Variants in ATP10B observed in about 807,000 individuals in gnomAD.
ATP10B encodes ATPase phospholipid transporting 10B (putative).
In ATP10B, 122 loss-of-function variants were observed where a neutral mutation model predicts 141.2. The observed-to-expected ratio is 0.86, with a 90% CI of 0.75 to 1.00. The LOEUF is 1.00. Ranked by LOEUF, ATP10B falls within the 50% of genes least tolerant of loss-of-function variation. The pLI, the probability that ATP10B is intolerant of heterozygous loss-of-function variation, is 0.00. For synonymous variants in ATP10B, 685 were observed against 692.0 expected (o/e 0.99, Z 0.16); for missense variants, 1,876 against 1,825.3 (o/e 1.03, Z -0.51).
At chr5:160,749,999 C>A (rs963597834) in intron 2 of ATP10B, among the ~76,000 whole-genome samples, 4 of 152,186 alleles carry the variant, frequency 2.6e-5, no homozygotes, top group Non-Finnish European at 5.9e-5. Context: ...AAATTTCCTC[C>A]TTCTTTTACG....
chr5:160,757,883 G>T (rs145281464), intron 2 of ATP10B, among the ~76,000 whole-genome samples: 34 of 152,238 alleles, frequency 2.2e-4, no homozygotes, highest in African/African-American at 7.2e-4. Context: ...TTGTAGGGTG[G>T]TTAGCAGCAT....
At chr5:160,889,193 G>T in the ATP10B span, among the ~76,000 whole-genome samples, 1 of 152,272 alleles carries the variant, frequency 6.6e-6, no homozygotes, top group Admixed American at 6.5e-5. Flanking sequence ...ACACTAACCT[G>T]CCAGCCAACC....
At chr5:160,629,460 G>C (rs1018681093) in intron 13 of ATP10B, among the ~76,000 whole-genome samples, 10 of 152,150 alleles carry the variant, frequency 6.6e-5, no homozygotes, top group African/African-American at 9.7e-5. Context: ...CATCTTGGCT[G>C]CTCCTTAGAA....
intron 7 of ATP10B, among the ~76,000 whole-genome samples, chr5:160,660,897 C>T (rs76810558): frequency 1.3e-5 from 2 of 152,104 alleles, no homozygotes; most frequent in Non-Finnish European, 2.9e-5. Flanking sequence ...TATAAGAAAT[C>T]GTACAGGGGC....
At chr5:160,680,548 T>C (rs145431704) in intron 6 of ATP10B, among the ~76,000 whole-genome samples, 1 of 152,358 alleles carries the variant, frequency 6.6e-6, no homozygotes, top group Non-Finnish European at 1.5e-5. Flanking sequence ...TGCTAATACG[T>C]GGAAAGCAAT....
chr5:160,593,880 T>A (rs1169006588), intron 22 of ATP10B, among the ~76,000 whole-genome samples: 1 of 152,184 alleles, frequency 6.6e-6, no homozygotes, highest in East Asian at 1.9e-4. Flanking sequence ...AATATGGGAC[T>A]ATGTGAAAAG....
chr5:160,873,715 C>T, the ATP10B span, among the ~76,000 whole-genome samples: 2 of 152,362 alleles, frequency 1.3e-5, no homozygotes, highest in East Asian at 1.9e-4. Context: ...GGCACTGCCT[C>T]ACTTGGGAAG....
At chr5:160,590,691 G>C (rs1046088537) in intron 23 of ATP10B, among the ~76,000 whole-genome samples, 1 of 152,170 alleles carries the variant, frequency 6.6e-6, no homozygotes, top group Admixed American at 6.5e-5. Context: ...CAGTGTTCAA[G>C]TAGGAAACAG....
intron 2 of ATP10B, among the ~76,000 whole-genome samples, chr5:160,775,675 G>C (rs1770246706): frequency 8.0e-6 from 1 of 124,878 alleles, no homozygotes; most frequent in African/African-American, 2.8e-5. Flanking sequence ...GCAAGTTTCA[G>C]ATTTTTTTTT....
chr5:160,731,755 G>A (rs1483041511), intron 2 of ATP10B, among the ~76,000 whole-genome samples: 3 of 152,174 alleles, frequency 2.0e-5, no homozygotes, highest in Admixed American at 6.5e-5. Context: ...AGTTCTGTCG[G>A]CCCTCATCTT....
chr5:160,613,069 G>C (rs750738074), intron 17 of ATP10B, 144 bp from the exon 18 acceptor site: 212 of 709,110 alleles, frequency 3.0e-4, no homozygotes, highest in Non-Finnish European at 4.4e-4. Flanking sequence ...CAGTGAACTA[G>C]ATGGAGCAGG....
chr5:160,886,030 A>C, the ATP10B span, among the ~76,000 whole-genome samples: 2 of 152,230 alleles, frequency 1.3e-5, no homozygotes, highest in Admixed American at 6.5e-5. Context: ...TAGAAATTTG[A>C]AAATCACCGA....
intron 6 of ATP10B, among the ~76,000 whole-genome samples, chr5:160,680,310 T>C (rs765378609): frequency 6.6e-6 from 1 of 152,082 alleles, no homozygotes; most frequent in South Asian, 2.1e-4. Context: ...AAAAAAAAAA[T>C]TGTCCTCTTA....
chr5:160,887,812 A>T, the ATP10B span, among the ~76,000 whole-genome samples: 1 of 152,160 alleles, frequency 6.6e-6, no homozygotes, highest in East Asian at 1.9e-4. Context: ...ACTTCCGGAC[A>T]CCCTATGTAC....
chr5:160,799,266 C>CAGGGACAACGTGGCACACTGGG (rs1772189442), intron 1 of ATP10B, among the ~76,000 whole-genome samples: 1 of 152,210 alleles, frequency 6.6e-6, no homozygotes, highest in Non-Finnish European at 1.5e-5. Context: ...GCCCTCTGAG[C>CAGGGACAACGTGGCACACTGGG]AGGGACAACG....
intron 2 of ATP10B, among the ~76,000 whole-genome samples, chr5:160,763,933 T>A (rs79861303): frequency 0.073 from 11,058 of 152,078 alleles, 387 homozygotes; most frequent in Middle Eastern, 0.099. Flanking sequence ...GAACACCTTT[T>A]TGTGCCTAAA....
chr5:160,922,081 C>T, the ATP10B span, among the ~76,000 whole-genome samples: 3 of 152,072 alleles, frequency 2.0e-5, no homozygotes, highest in East Asian at 1.9e-4. Context: ...TATTTTCATG[C>T]GGGTGGGTGT....
At chr5:160,882,007 CAA>C in the ATP10B span, among the ~76,000 whole-genome samples, 1 of 151,706 alleles carries the variant, frequency 6.6e-6, no homozygotes, top group South Asian at 2.1e-4. Flanking sequence ...TTAAAGAAGC[CAA>C]TCTAAAGAGG....
intron 18 of ATP10B, chr5:160,612,353 C>G (rs1188677638): frequency 6.4e-6 from 1 of 157,472 alleles, no homozygotes; most frequent in Non-Finnish European, 1.4e-5. Context: ...GTAAATAGCA[C>G]TAGCTCAGTT....
Sources: allele counts gnomAD v4.1 joint callset (sites outside exome capture counted in the v4.1 genomes callset), GRCh38; gene constraint gnomAD v4.1.1; transcripts MANE v1.5; gene names NCBI Gene and HGNC (gene_info 2026-07-23, HGNC 2026-07-21).